Variants in PRIM2 observed in about 807,000 individuals in gnomAD.
PRIM2 encodes the protein DNA primase large subunit.
In PRIM2, 39 loss-of-function variants were observed where a neutral mutation model predicts 67.3. The ratio of observed to expected loss-of-function variants is 0.58; its 90% CI spans 0.45 to 0.76. The LOEUF is 0.76. PRIM2 is among the 30% of genes least tolerant of loss of function. The probability of loss-of-function intolerance (pLI) is 0.00; values close to 1 mark genes in which losing one functional copy is unlikely to be tolerated. For synonymous variants in PRIM2, 143 were observed against 198.7 expected, an observed-to-expected ratio of 0.72 and a Z score of 2.36; for missense variants, 398 against 598.7, an observed-to-expected ratio of 0.66 and a Z score of 3.50.
At chr6:57,580,930 G>A (rs1776072091) in intron 10 of PRIM2, among the ~76,000 whole-genome samples, 1 of 151,248 alleles carries the variant, frequency 6.6e-6, no homozygotes, top group Non-Finnish European at 1.5e-5. Context: ...GCCAGATAAT[G>A]AGTTCTAGAA....
intron 7 of PRIM2, among the ~76,000 whole-genome samples, chr6:57,439,404 G>GTTTTTTTTT (rs149436085): frequency 7.0e-5 from 4 of 57,014 alleles, no homozygotes; most frequent in East Asian, 6.7e-4. Context: ...GAGGTACTCT[G>GTTTTTTTTT]TTTTTTTTTT....
intron 8 of PRIM2, among the ~76,000 whole-genome samples, chr6:57,527,246 T>G (rs1774776096): frequency 1.3e-5 from 2 of 152,236 alleles, no homozygotes; most frequent in South Asian, 4.1e-4. Flanking sequence ...TCAAAACTTG[T>G]ATTTTCATAA....
chr6:57,227,573 G>A, the PRIM2 span, among the ~76,000 whole-genome samples: 1 of 147,056 alleles, frequency 6.8e-6, no homozygotes, highest in Non-Finnish European at 1.5e-5. Context: ...GAACCCGGGA[G>A]ATGGAGGTTG....
chr6:57,260,760 T>G, the PRIM2 span, among the ~76,000 whole-genome samples: 3 of 151,102 alleles, frequency 2.0e-5, no homozygotes, highest in Admixed American at 6.6e-5. Context: ...GGCCAGGTCA[T>G]GTTCCTTTGT....
At chr6:57,352,756 T>C (rs1392930176) in intron 5 of PRIM2, among the ~76,000 whole-genome samples, 1 of 152,026 alleles carries the variant, frequency 6.6e-6, no homozygotes, top group Non-Finnish European at 1.5e-5. Flanking sequence ...ACAGGATTAC[T>C]GTGCTGTAGA....
At chr6:57,521,542 A>G (rs1774624182) in intron 8 of PRIM2, among the ~76,000 whole-genome samples, 1 of 152,136 alleles carries the variant, frequency 6.6e-6, no homozygotes, top group Non-Finnish European at 1.5e-5. Flanking sequence ...GGAACTTGGT[A>G]TACTTTTATG....
the PRIM2 span, among the ~76,000 whole-genome samples, chr6:57,237,943 A>G: frequency 1.3e-3 from 204 of 152,266 alleles, 1 homozygote; most frequent in African/African-American, 4.6e-3. Context: ...CTTTAAACCA[A>G]TGACGATCAA....
intron 13 of PRIM2, among the ~76,000 whole-genome samples, chr6:57,636,247 C>T (rs1777119460): frequency 6.6e-6 from 1 of 152,120 alleles, no homozygotes; most frequent in Non-Finnish European, 1.5e-5. Flanking sequence ...AAAATGCTCA[C>T]TTAATATTTC....
the PRIM2 span, among the ~76,000 whole-genome samples, chr6:57,284,548 C>T: frequency 2.0e-5 from 3 of 152,068 alleles, no homozygotes; most frequent in Non-Finnish European, 1.5e-5. Context: ...TGTCTCTCTC[C>T]ATCATCACTC....
chr6:57,630,106 T>G (rs1402348168), intron 12 of PRIM2, among the ~76,000 whole-genome samples: 3 of 150,072 alleles, frequency 2.0e-5, no homozygotes, highest in African/African-American at 7.4e-5. Context: ...CAATAATACT[T>G]GTTTACCTCA....
At chr6:57,313,449 G>A (rs1444375760), upstream of PRIM2, among the ~76,000 whole-genome samples, 2 of 152,046 alleles carry the variant, frequency 1.3e-5, no homozygotes, top group Admixed American at 1.3e-4. Context: ...TACTATTTCT[G>A]GAACACACCA....
upstream of PRIM2, among the ~76,000 whole-genome samples, chr6:57,317,470 T>C (rs918316349): frequency 6.6e-6 from 1 of 152,132 alleles, no homozygotes; most frequent in African/African-American, 2.4e-5. Context: ...AACACTGACA[T>C]CCAAACACTT....
chr6:57,550,869 A>ATAT (rs1775387444), intron 10 of PRIM2, among the ~76,000 whole-genome samples: 1 of 152,190 alleles, frequency 6.6e-6, no homozygotes, highest in Non-Finnish European at 1.5e-5. Context: ...GGTACGTATA[A>ATAT]GCTCCAAAAT....
intron 1 of PRIM2, among the ~76,000 whole-genome samples, chr6:57,318,206 T>C (rs1767539059): frequency 5.3e-5 from 8 of 152,194 alleles, no homozygotes; most frequent in Admixed American, 5.2e-4. Context: ...ACCACCTGCA[T>C]CTGCTCTAGC....
intron 7 of PRIM2, among the ~76,000 whole-genome samples, chr6:57,461,530 A>C (rs1207574094): frequency 6.6e-6 from 1 of 152,050 alleles, no homozygotes; most frequent in Non-Finnish European, 1.5e-5. Context: ...TTCGATAGTG[A>C]ATTCAATGCA....
intron 7 of PRIM2, among the ~76,000 whole-genome samples, chr6:57,465,239 CA>C (rs2127399246): frequency 6.6e-6 from 1 of 152,268 alleles, no homozygotes; most frequent in Admixed American, 6.5e-5. Context: ...CTGAAAATGT[CA>C]GACACTTGCT....
In PRIM2 at chr6:57,556,420, A is replaced by G. The variant is rs1332216538; in HGVS notation, c.1020+18795A>G. ...ACAGGGCTACAGTAACCAAAACAAC[A>G]TGGTACTGGTACAAAAACAGACATA... On this transcript the variant is annotated intron_variant, in intron 10 of 13. Coordinates refer to ENST00000615550, the MANE Select transcript of PRIM2 (RefSeq NM_000947.5). 9.2e-5 allele frequency among the ~76,000 whole-genome samples: 14 copies of G among 152,296 alleles called. No homozygotes were observed. The East Asian group carries it at 2.7e-3, about 29-fold the overall frequency.
chr6:57,232,047 T>C, the PRIM2 span, among the ~76,000 whole-genome samples: 1 of 152,228 alleles, frequency 6.6e-6, no homozygotes. Context: ...AATTCTTCTA[T>C]TAAAGAAGAT....
chr6:57,551,474 G>A (rs1253649544), intron 10 of PRIM2, among the ~76,000 whole-genome samples: 1 of 152,218 alleles, frequency 6.6e-6, no homozygotes, highest in Non-Finnish European at 1.5e-5. Flanking sequence ...GGCACCCTAA[G>A]AAGTAGATTG....
Sources: gnomAD v4.1 joint callset for allele counts (sites outside exome capture counted in the v4.1 genomes callset) on GRCh38, gnomAD v4.1.1 for gene constraint, MANE v1.5 for transcripts, NCBI Gene and HGNC (gene_info 2026-07-23, HGNC 2026-07-21) for gene names.